Variants in MCM8 observed in about 807,000 individuals in gnomAD.
MCM8 encodes minichromosome maintenance 8 homologous recombination repair factor, also known as DNA helicase MCM8.
In MCM8, 85 loss-of-function variants were observed where a neutral mutation model predicts 98.9. The ratio of observed to expected loss-of-function variants is 0.86; its 90% CI spans 0.72 to 1.03. The LOEUF (loss-of-function observed/expected upper bound fraction) is 1.03. Ranked by LOEUF, MCM8 falls within the 50% of genes least tolerant of loss-of-function variation. The pLI, the probability that MCM8 is intolerant of heterozygous loss-of-function variation, is 0.00. For missense variants in MCM8, 951 were observed against 997.8 expected (o/e 0.95, Z 0.63); for synonymous variants, 352 against 338.6 (o/e 1.04, Z -0.44).
intron 8 of MCM8, among the ~76,000 whole-genome samples, chr20:5,966,918 CCTT>C (rs1014100471): frequency 3.3e-5 from 5 of 152,280 alleles, no homozygotes; most frequent in African/African-American, 1.2e-4. Flanking sequence ...TGTCCACTCA[CCTT>C]CTCCAAAAAT....
intron 8 of MCM8, among the ~76,000 whole-genome samples, chr20:5,963,569 C>G (rs2089205174): frequency 1.4e-5 from 2 of 146,088 alleles, no homozygotes; most frequent in African/African-American, 2.5e-5. Flanking sequence ...TGCTCTGTCA[C>G]CCAGGCTGCA....
rs377231214 is a variant in MCM8 at position 5,984,905 on chromosome 20, A to G, written c.1858A>G (p.Ile620Val). 68 of 1,614,074 alleles carry G rather than the reference A, an allele frequency of 4.2e-5. No individual in the cohort carries two copies. Among genetic ancestry groups the G allele is most frequent in the Non-Finnish European group, 1.4e-5 (17 of 1,180,034 alleles). The change falls in exon 15 of 19, where the codon ATT becomes GTT. Residue 620 changes from isoleucine to valine, a missense_variant. Coordinates refer to ENST00000610722, the MANE Select transcript of MCM8 (RefSeq NM_032485.6). ...IAIRAGKQRT[I>V]SSATVARMNS... ...AATAAGAGCTGGAAAGCAGAGAACCATTAGCAGTGCCACAGTAGCTCGTAT... is the reference window on the plus strand; with the variant it reads ...AATAAGAGCTGGAAAGCAGAGAACCGTTAGCAGTGCCACAGTAGCTCGTAT...
At chr20:5,957,277 G>A (rs1202525541) in intron 6 of MCM8, 48 bp downstream of exon 6, 2 of 1,393,488 alleles carry the variant, frequency 1.4e-6, no homozygotes, top group Non-Finnish European at 2.0e-6. Flanking sequence ...GGACATTGAA[G>A]GCCATTTAAG....
chr20:5,972,032 C>T lies in MCM8; in HGVS notation c.1249C>T (p.His417Tyr). Residue 417 changes from histidine to tyrosine, a missense_variant, in exon 11 of 19, where the codon CAT becomes TAT. Transcript: ENST00000610722. ...VNSLCPVIFG[H>Y]ELVKAGLALA... ...CTCGCTTTGCCCTGTCATTTTTGGT[C>T]ATGAAGTAAGTATTTTACTTCATCT... 2 of 1,610,314 alleles carry T rather than the reference C, an allele frequency of 1.2e-6. No homozygotes were observed. The highest frequency in any genetic ancestry group is 8.5e-7 in the Non-Finnish European group (1 of 1,177,902).
Position 5,996,391 on chromosome 20 carries a change from C to CT in MCM8, c.*2001dup, listed in dbSNP as rs2089958074. 6.6e-6 allele frequency: 1 copy of CT among 151,820 alleles called. No homozygotes were observed. Among genetic ancestry groups the CT allele is most frequent in the African/African-American group, 2.4e-5 (1 of 41,276 alleles). 9.4% of individuals were successfully genotyped at this position (151,820 alleles called of 1,614,324 possible). A position where few individuals can be genotyped will look rare whatever the true frequency, so the allele number is the denominator to read the frequency against. On this transcript the variant is annotated 3_prime_UTR_variant, in exon 19 of 19. Transcript: ENST00000610722. ...ATAACTCAGGCATGGTGGTGTGTGC[C>CT]TGTAGTCCCAGCCACTAAGGAGGCT...
chr20:5,982,993 G>A lies in MCM8; in HGVS notation c.1561G>A (p.Asp521Asn), dbSNP rs377142760. Residue 521 changes from aspartate to asparagine, a missense_variant, in exon 14 of 19, where the codon GAT becomes AAT. Transcript: ENST00000610722. ...DQGICGIDEF[D>N]KMGNQHQALL... ...AGGTATTTGTGGAATCGATGAATTTGATAAGATGGGGAATCAACATCAAGC... is the reference window on the plus strand; with the variant it reads ...AGGTATTTGTGGAATCGATGAATTTAATAAGATGGGGAATCAACATCAAGC... 1.1e-4 allele frequency: 173 copies of A among 1,611,408 alleles called. No homozygotes were observed. The highest frequency in any genetic ancestry group is 9.9e-4 in the Middle Eastern group (6 of 6,058).
chr20:5,980,363 A>C (rs555815492), intron 13 of MCM8, among the ~76,000 whole-genome samples: 4 of 152,236 alleles, frequency 2.6e-5, no homozygotes, highest in Middle Eastern at 3.4e-3. Flanking sequence ...CATTCCTAGA[A>C]CATAGTACTG....
chr20:5,967,801 C>T (rs1353644012), intron 9 of MCM8, 29 bp from the exon 10 acceptor site: 1 of 1,542,124 alleles, frequency 6.5e-7, no homozygotes, highest in Non-Finnish European at 8.9e-7. Flanking sequence ...AAAATACCAA[C>T]TATTGTATTT....
chr20:5,955,220 C>T lies in MCM8; in HGVS notation c.455C>T (p.Thr152Ile). The stretch of plus-strand genomic sequence containing the variant: ...GAACTAAGAGATGCACCTGAGAAAA[C>T]CTTGGCTTGCATGGGTTTGGCAATA... ...ATELRDAPEK[T>I]LACMGLAIHQ... Residue 152 changes from threonine to isoleucine, a missense_variant, in exon 5 of 19, where the codon ACC (threonine) becomes ATC (isoleucine). By Grantham distance (89) the Thr-to-Ile change is moderately conservative (BLOSUM62 -1). Coordinates refer to ENST00000610722, the MANE Select transcript of MCM8 (RefSeq NM_032485.6). The T allele has an allele frequency of 6.2e-7, 1 of 1,613,556 alleles. No individual in the cohort carries two copies. Among genetic ancestry groups the T allele is most frequent in the South Asian group, 1.1e-5 (1 of 90,862 alleles).
chr20:5,955,418 C>T (rs750134221), intron 5 of MCM8, among the ~76,000 whole-genome samples, 167 bp downstream of exon 5: 13 of 152,302 alleles, frequency 8.5e-5, no homozygotes, highest in East Asian at 1.9e-4. Context: ...GTTGCAGTTC[C>T]GTTCTGAAAG....
At chr20:5,979,625 G>A (rs988575926) in intron 13 of MCM8, among the ~76,000 whole-genome samples, 1 of 152,086 alleles carries the variant, frequency 6.6e-6, no homozygotes, top group Non-Finnish European at 1.5e-5. Context: ...ACATTAATCT[G>A]TCAGCAAATC....
chr20:5,976,304 G>C (rs1487938198), intron 12 of MCM8, among the ~76,000 whole-genome samples: 2 of 152,156 alleles, frequency 1.3e-5, no homozygotes, highest in Non-Finnish European at 2.9e-5. Context: ...TGCTCCTATA[G>C]TCCCAGCTAC....
At position 5,966,700 on chromosome 20, in the gene MCM8, G is replaced by A. The variant is rs146747193; in HGVS notation, c.876-736G>A. Among the ~76,000 whole-genome samples, 7 of 152,198 alleles carry A rather than the reference G, an allele frequency of 4.6e-5. No individual in the cohort carries two copies. In the East Asian group the frequency reaches 1.2e-3, roughly 25 times the overall value. On this transcript the variant is annotated intron_variant, in intron 8 of 18. Coordinates refer to ENST00000610722, the MANE Select transcript of MCM8 (RefSeq NM_032485.6). Reference sequence around the variant, plus strand: ...CTTTACCTCTAAATACAAAGATAGGGGTTTGGGCTATCAGATTTTGCTTTA... The same window carrying A: ...CTTTACCTCTAAATACAAAGATAGGAGTTTGGGCTATCAGATTTTGCTTTA...
At position 5,967,590 on chromosome 20, in the gene MCM8, A is replaced by G; in HGVS notation, c.1027+3A>G. 6.2e-7 allele frequency: 1 copy of G among 1,608,966 alleles called. No individual in the cohort carries two copies. Among genetic ancestry groups the G allele is most frequent in the Non-Finnish European group, 8.5e-7 (1 of 1,176,168 alleles). ...CAAAGTCTCAAATGCGGAAGAAGGT[A>G]GGGTACAACTCTTTTCATTATTTGT... On this transcript the variant is annotated splice_donor_region_variant and intron_variant, in intron 9 of 18. Transcript: ENST00000610722.
rs1274105361 is a variant in MCM8 at position 5,996,111 on chromosome 20, T to G, written c.*1720T>G. On this transcript the variant is annotated 3_prime_UTR_variant, in exon 19 of 19. Transcript: ENST00000610722. Reference sequence around the variant, plus strand: ...CTATGCAACACATTGAGACCCTATCTCTACAAAAAATAGATTAGCTGGGCA... The same window carrying G: ...CTATGCAACACATTGAGACCCTATCGCTACAAAAAATAGATTAGCTGGGCA... The G allele has an allele frequency of 6.6e-6, 1 of 152,046 alleles. No individual in the cohort carries two copies. The highest frequency in any genetic ancestry group is 1.5e-5 in the Non-Finnish European group (1 of 68,030). 9.4% of individuals were successfully genotyped at this position (152,046 alleles called of 1,614,324 possible).
rs1296329464 is a variant in MCM8, at chr20:5,973,101, A to G, written c.1300A>G (p.Lys434Glu). 6.2e-7 allele frequency: 1 copy of G among 1,614,230 alleles called. No individual in the cohort carries two copies. Among genetic ancestry groups the G allele is most frequent in the African/African-American group, 1.3e-5 (1 of 75,070 alleles). ...LALALFGGSQ[K>E]YADDKNRIPI... ...ATTAGCACTCTTTGGAGGAAGCCAGAAATACGCAGATGACAAAAACAGAAT... is the reference window on the plus strand; with the variant it reads ...ATTAGCACTCTTTGGAGGAAGCCAGGAATACGCAGATGACAAAAACAGAAT... The change falls in exon 12 of 19, where the codon AAA becomes GAA. Residue 434 changes from lysine (K) to glutamate (E), a missense_variant. Transcript: ENST00000610722.
chr20:5,977,278 T>A (rs574597486), intron 12 of MCM8, among the ~76,000 whole-genome samples: 1 of 152,342 alleles, frequency 6.6e-6, no homozygotes, highest in African/African-American at 2.4e-5. Flanking sequence ...ATGATTTCAT[T>A]TATTGTTCAG....
chr20:5,953,763 G>A lies in MCM8; in HGVS notation c.254-845G>A, dbSNP rs535027989. Among the ~76,000 whole-genome samples the A allele has an allele frequency of 3.6e-4, 53 of 146,848 alleles. No individual in the cohort carries two copies. In the East Asian group the frequency reaches 7.8e-3, roughly 22 times the overall value. ...GCTAGGATTCCAGACGTGAGCCACCGCACCCAGCCGCATACTTTTTTTTTT... is the reference window on the plus strand; with the variant it reads ...GCTAGGATTCCAGACGTGAGCCACCACACCCAGCCGCATACTTTTTTTTTT... On this transcript the variant is annotated intron_variant, in intron 3 of 18. Coordinates refer to ENST00000610722, the MANE Select transcript of MCM8 (RefSeq NM_032485.6).
chr20:5,966,382 C>T lies in MCM8; in HGVS notation c.876-1054C>T, dbSNP rs139895628. 2.5e-3 allele frequency among the ~76,000 whole-genome samples: 386 copies of T among 152,052 alleles called. 9 individuals carry two copies. Among genetic ancestry groups the T allele is most frequent in the Admixed American group, 0.024 (362 of 15,270 alleles). On this transcript the variant is annotated intron_variant, in intron 8 of 18. Coordinates refer to ENST00000610722, the MANE Select transcript of MCM8 (RefSeq NM_032485.6). ...TCTTTCATTTTCTTTGTTCTGTTTT[C>T]TAGATTTCTTTGGCTTTTTCTTATA...
Sources: allele counts gnomAD v4.1 joint callset (sites outside exome capture counted in the v4.1 genomes callset), GRCh38; gene constraint gnomAD v4.1.1; transcripts MANE v1.5; gene names NCBI Gene and HGNC (gene_info 2026-07-23, HGNC 2026-07-21).